OR1J2: variants seen among roughly 807,000 people sequenced by gnomAD.
The protein encoded by OR1J2 is olfactory receptor family 1 subfamily J member 2.
For synonymous variants in OR1J2, 142 were observed against 99.7 expected (o/e 1.42, Z -2.52); for missense variants, 304 against 246.1 (o/e 1.24, Z -1.57).
At chr9:122,479,511 T>G in the OR1J2 span, among the ~76,000 whole-genome samples, 1 of 152,218 alleles carries the variant, frequency 6.6e-6, no homozygotes, top group Non-Finnish European at 1.5e-5. Flanking sequence ...AAACACAACT[T>G]AAATTCAGTC....
At chr9:122,484,328 A>T in the OR1J2 span, among the ~76,000 whole-genome samples, 1 of 152,012 alleles carries the variant, frequency 6.6e-6, no homozygotes, top group South Asian at 2.1e-4. Context: ...TGCCGAGCTA[A>T]TTTTTGTATT....
chr9:122,572,528 G>A, the OR1J2 span, among the ~76,000 whole-genome samples: 1 of 151,790 alleles, frequency 6.6e-6, no homozygotes, highest in East Asian at 1.9e-4. Flanking sequence ...CAGGGTGAGT[G>A]TATGGGGCTG....
At position 122,511,204 on chromosome 9, in the gene OR1J2, A is replaced by G; in HGVS notation, c.403A>G (p.Ile135Val). ...ATGTCACCCTCTCCACTACACTGTC[A>G]TCATGAGGGAAGAGCTCTGTGTCTT... ...AICHPLHYTVIMREELCVFLV... is the reference protein window; with the variant it reads ...AICHPLHYTVVMREELCVFLV... The change falls in exon 1 of 1, where the codon ATC becomes GTC. Residue 135 changes from isoleucine (I) to valine (V), a missense_variant. Transcript: ENST00000335302. The G allele has an allele frequency of 1.4e-6, 1 of 737,100 alleles. No individual in the cohort carries two copies. The allele number at this position is 737,100 out of a possible 1,614,324, so 45.7% of individuals were successfully genotyped here.
At chr9:122,460,613 A>G in the OR1J2 span, among the ~76,000 whole-genome samples, 67 of 152,118 alleles carry the variant, frequency 4.4e-4, no homozygotes, top group East Asian at 0.012. Context: ...TTGGTTCCAT[A>G]TGAATTTTAG....
At chr9:122,554,886 G>A in the OR1J2 span, among the ~76,000 whole-genome samples, 46,605 of 151,952 alleles carry the variant, frequency 0.31, 8,026 homozygotes, top group East Asian at 0.81. Context: ...TACACCATCC[G>A]TTCTCTGAAT....
chr9:122,551,103 A>G, the OR1J2 span, among the ~76,000 whole-genome samples: 2 of 152,224 alleles, frequency 1.3e-5, no homozygotes, highest in Admixed American at 1.3e-4. Flanking sequence ...TAGCATTTCT[A>G]CACACTAATA....
chr9:122,521,785 G>A, the OR1J2 span, among the ~76,000 whole-genome samples: 20 of 152,252 alleles, frequency 1.3e-4, 1 homozygote, highest in South Asian at 3.7e-3. Flanking sequence ...TTCCCTGCCG[G>A]CACCCCAGTT....
At chr9:122,448,061 C>T in the OR1J2 span, among the ~76,000 whole-genome samples, 1,774 of 152,196 alleles carry the variant, frequency 0.012, 24 homozygotes, top group African/African-American at 0.039. Flanking sequence ...ACTCAGCCTG[C>T]GGAGGACTTG....
At chr9:122,498,507 G>A in the OR1J2 span, among the ~76,000 whole-genome samples, 1 of 152,046 alleles carries the variant, frequency 6.6e-6, no homozygotes, top group Non-Finnish European at 1.5e-5. Flanking sequence ...TTTCTAAGGG[G>A]TTTATCTCTT....
the OR1J2 span, among the ~76,000 whole-genome samples, chr9:122,573,312 G>A: frequency 1.3e-5 from 2 of 152,252 alleles, no homozygotes; most frequent in Non-Finnish European, 2.9e-5. Flanking sequence ...TAAACTCAGA[G>A]CTTCTTAACT....
At chr9:122,481,484 A>G in the OR1J2 span, among the ~76,000 whole-genome samples, 4 of 152,334 alleles carry the variant, frequency 2.6e-5, no homozygotes, top group Admixed American at 2.0e-4. Flanking sequence ...CTATAAATCA[A>G]TAAAGAAAAG....
chr9:122,526,640 G>T, the OR1J2 span: 8 of 1,614,186 alleles, frequency 5.0e-6, no homozygotes, highest in African/African-American at 8.0e-5. Flanking sequence ...CTGGCACAAT[G>T]TGGATGTAGG....
the OR1J2 span, among the ~76,000 whole-genome samples, chr9:122,570,898 C>T: frequency 6.6e-6 from 1 of 152,074 alleles, no homozygotes; most frequent in Admixed American, 6.5e-5. Flanking sequence ...AATTAAGAGG[C>T]ATATGTTATT....
At chr9:122,549,718 A>G in the OR1J2 span, among the ~76,000 whole-genome samples, 103 of 152,046 alleles carry the variant, frequency 6.8e-4, no homozygotes, top group African/African-American at 2.5e-3. Context: ...CCATTGATCT[A>G]TGTGTCTGTT....
At chr9:122,580,062 CACTA>C in the OR1J2 span, among the ~76,000 whole-genome samples, 1 of 152,150 alleles carries the variant, frequency 6.6e-6, no homozygotes, top group Non-Finnish European at 1.5e-5. Context: ...TCCTGTCTCT[CACTA>C]ACTGGGTAAT....
chr9:122,517,380 G>A, the OR1J2 span, among the ~76,000 whole-genome samples: 1 of 152,186 alleles, frequency 6.6e-6, no homozygotes, highest in Admixed American at 6.5e-5. Context: ...TCGGAACTCT[G>A]TTATGTTGGC....
the OR1J2 span, among the ~76,000 whole-genome samples, chr9:122,460,687 G>A: frequency 6.6e-6 from 1 of 152,082 alleles, no homozygotes; most frequent in African/African-American, 2.4e-5. Flanking sequence ...CATTGAATTT[G>A]TAGATTGCTT....
At chr9:122,530,889 C>G in the OR1J2 span, among the ~76,000 whole-genome samples, 1 of 152,092 alleles carries the variant, frequency 6.6e-6, no homozygotes, top group Non-Finnish European at 1.5e-5. Flanking sequence ...AGGAACAGGT[C>G]ATTTTCACTT....
the OR1J2 span, among the ~76,000 whole-genome samples, chr9:122,557,772 T>C: frequency 2.0e-5 from 3 of 152,064 alleles, no homozygotes; most frequent in African/African-American, 7.2e-5. Context: ...CTAGAAGAGA[T>C]TGCAGAGAAT....
Sources: allele counts gnomAD v4.1 joint callset (sites outside exome capture counted in the v4.1 genomes callset), GRCh38; gene constraint gnomAD v4.1.1; transcripts MANE v1.5; gene names NCBI Gene and HGNC (gene_info 2026-07-23, HGNC 2026-07-21).